Variants in CWF19L2 observed in about 807,000 individuals in gnomAD.
CWF19L2 encodes the protein CWF19-like protein 2.
A neutral mutation model predicts 111.7 loss-of-function variants in CWF19L2; 98 were observed. The observed-to-expected ratio is 0.88, with a 90% CI of 0.75 to 1.04. CWF19L2 has a LOEUF of 1.04. Among genes scored for constraint, CWF19L2 ranks in the 50% least tolerant of loss-of-function variants. The probability of loss-of-function intolerance (pLI) is 0.00; values close to 1 mark genes in which losing one functional copy is unlikely to be tolerated. For synonymous variants in CWF19L2, 351 were observed against 342.9 expected (o/e 1.02, Z -0.26); for missense variants, 1,101 against 1,051.4 (o/e 1.05, Z -0.65).
intron 3 of CWF19L2, among the ~76,000 whole-genome samples, chr11:107,449,768 A>AG (rs1456677036): frequency 1.3e-5 from 2 of 152,096 alleles, no homozygotes; most frequent in Non-Finnish European, 2.9e-5. Flanking sequence ...TCCAAAAGAC[A>AG]GGAAAAGGAA....
chr11:107,432,554 G>C (rs1216715440), intron 7 of CWF19L2, among the ~76,000 whole-genome samples: 1 of 152,214 alleles, frequency 6.6e-6, no homozygotes, highest in Non-Finnish European at 1.5e-5. Flanking sequence ...CCGCACTCCA[G>C]CCTGGGTGAC....
intron 3 of CWF19L2, among the ~76,000 whole-genome samples, chr11:107,452,601 C>T (rs1391329895): frequency 2.0e-5 from 3 of 151,756 alleles, no homozygotes; most frequent in South Asian, 2.1e-4. Flanking sequence ...TGGAAATCCA[C>T]GTGGGAAAAA....
chr11:107,446,263 C>T (rs954232344), intron 3 of CWF19L2, among the ~76,000 whole-genome samples: 1 of 152,176 alleles, frequency 6.6e-6, no homozygotes, highest in African/African-American at 2.4e-5. Context: ...TTCACCCCCT[C>T]CTCTTGTTTT....
chr11:107,444,682 T>A (rs1861677080), intron 3 of CWF19L2, among the ~76,000 whole-genome samples: 1 of 152,172 alleles, frequency 6.6e-6, no homozygotes, highest in Admixed American at 6.5e-5. Flanking sequence ...CATGCTAAAC[T>A]CAGTAAGAAC....
chr11:107,421,872 A>C (rs1281677621), intron 8 of CWF19L2, among the ~76,000 whole-genome samples: 1 of 152,126 alleles, frequency 6.6e-6, no homozygotes, highest in East Asian at 1.9e-4. Flanking sequence ...ATCCAAGAGA[A>C]AGGAAAGCAT....
chr11:107,436,641 C>A (rs1861545055), intron 6 of CWF19L2, among the ~76,000 whole-genome samples: 1 of 151,756 alleles, frequency 6.6e-6, no homozygotes. Context: ...CAGAAAAAGC[C>A]AAAAAATAAA....
At chr11:107,329,844 G>A (rs998685028) in intron 17 of CWF19L2, 74 bp downstream of exon 17, 11 of 1,219,152 alleles carry the variant, frequency 9.0e-6, no homozygotes, top group Non-Finnish European at 1.1e-5. Context: ...TGTGCCCAAA[G>A]TTTTTATTTC....
At chr11:107,447,022 T>C (rs560607992) in intron 3 of CWF19L2, among the ~76,000 whole-genome samples, 31 of 152,230 alleles carry the variant, frequency 2.0e-4, no homozygotes, top group African/African-American at 7.5e-4. Context: ...GGTCAAAACC[T>C]AGAAGGTGGA....
rs532071543 is a variant in CWF19L2 at position 107,338,215 on chromosome 11, A to G, written c.2203-1502T>C. ...CCACCTGAGTAGCTACTCAGGGACT[A>G]AAGGTGCACCACCATGGCCAGCTCC... is the stretch of plus-strand genomic sequence containing the variant. On this transcript the variant is annotated intron_variant, in intron 14 of 17. Coordinates refer to ENST00000282251, the MANE Select transcript of CWF19L2 (RefSeq NM_152434.3). 1.1e-4 allele frequency among the ~76,000 whole-genome samples: 16 copies of G among 152,226 alleles called. No individual in the cohort carries two copies. In the South Asian group the frequency reaches 1.5e-3, roughly 14 times the overall value.
At chr11:107,416,817 A>G (rs1179452872) in intron 9 of CWF19L2, among the ~76,000 whole-genome samples, 1 of 152,236 alleles carries the variant, frequency 6.6e-6, no homozygotes, top group Admixed American at 6.5e-5. Flanking sequence ...TGTGACATGC[A>G]AAGAATAGCA....
intron 8 of CWF19L2, among the ~76,000 whole-genome samples, chr11:107,428,320 G>A (rs1861408973): frequency 6.6e-6 from 1 of 151,980 alleles, no homozygotes; most frequent in South Asian, 2.1e-4. Flanking sequence ...CATAATTCAT[G>A]CTCCCCTCTG....
At chr11:107,449,422 G>A (rs75337817) in intron 3 of CWF19L2, among the ~76,000 whole-genome samples, 1,930 of 152,140 alleles carry the variant, frequency 0.013, 33 homozygotes, top group African/African-American at 0.044. Flanking sequence ...TGATAAATCT[G>A]TGGGTAAATA....
At chr11:107,381,997 T>C (rs1860694031) in intron 12 of CWF19L2, among the ~76,000 whole-genome samples, 1 of 152,090 alleles carries the variant, frequency 6.6e-6, no homozygotes, top group Non-Finnish European at 1.5e-5. Flanking sequence ...CTCCGGCCCA[T>C]GTTTAATGGT....
At chr11:107,396,041 T>C (rs1860916664) in intron 10 of CWF19L2, among the ~76,000 whole-genome samples, 1 of 152,204 alleles carries the variant, frequency 6.6e-6, no homozygotes, top group African/African-American at 2.4e-5. Context: ...TTTCTGTTCC[T>C]TAGGACTGCC....
chr11:107,424,250 C>A (rs1483791120), intron 8 of CWF19L2, among the ~76,000 whole-genome samples: 3 of 151,412 alleles, frequency 2.0e-5, no homozygotes, highest in Non-Finnish European at 3.0e-5. Flanking sequence ...ATGGACCCCA[C>A]ACTCACCCAT....
intron 3 of CWF19L2, among the ~76,000 whole-genome samples, chr11:107,451,264 T>G (rs748178143): frequency 3.9e-5 from 6 of 152,018 alleles, no homozygotes; most frequent in African/African-American, 4.8e-5. Context: ...GTAAAAAATA[T>G]TTTGAATGGG....
chr11:107,399,397 A>T (rs182594157), intron 10 of CWF19L2, among the ~76,000 whole-genome samples: 3 of 152,352 alleles, frequency 2.0e-5, no homozygotes, highest in Admixed American at 2.0e-4. Flanking sequence ...ACACAAATGG[A>T]CACCAAAAGT....
intron 12 of CWF19L2, among the ~76,000 whole-genome samples, chr11:107,382,070 G>A (rs1388882648): frequency 2.0e-5 from 3 of 152,106 alleles, no homozygotes; most frequent in African/African-American, 7.2e-5. Context: ...GAGGAAAGAT[G>A]TATATAGATC....
At chr11:107,363,564 G>C (rs1477748499) in intron 12 of CWF19L2, among the ~76,000 whole-genome samples, 1 of 142,152 alleles carries the variant, frequency 7.0e-6, no homozygotes, top group African/African-American at 2.8e-5. Flanking sequence ...TTCATATCCA[G>C]CCAAACTAAG....
Sources: allele counts gnomAD v4.1 joint callset (sites outside exome capture counted in the v4.1 genomes callset), GRCh38; gene constraint gnomAD v4.1.1; transcripts MANE v1.5; gene names NCBI Gene and HGNC (gene_info 2026-07-23, HGNC 2026-07-21).